NUDCD3: variants seen among roughly 807,000 people sequenced by gnomAD.
NUDCD3 encodes nudC domain-containing protein 3.
Under a neutral mutation model 39.7 loss-of-function variants are expected in NUDCD3, and 13 were observed. The observed-to-expected ratio is 0.33, with a 90% CI of 0.21 to 0.52. NUDCD3 has a LOEUF of 0.52. NUDCD3 is among the 20% of genes least tolerant of loss of function. The probability of loss-of-function intolerance (pLI) is 0.96; values close to 1 mark genes in which losing one functional copy is unlikely to be tolerated. For missense variants in NUDCD3, 453 were observed against 458.1 expected, an observed-to-expected ratio of 0.99 and a Z score of 0.10; for synonymous variants, 175 against 172.4, an observed-to-expected ratio of 1.02 and a Z score of -0.12.
chr7:44,483,972 G>A (rs991299995), intron 2 of NUDCD3, among the ~76,000 whole-genome samples: 1 of 152,140 alleles, frequency 6.6e-6, no homozygotes, highest in Admixed American at 6.6e-5. Context: ...TCACACCACT[G>A]CACTCCAGCC....
intron 2 of NUDCD3, among the ~76,000 whole-genome samples, chr7:44,451,928 A>G (rs1359795677): frequency 1.3e-5 from 2 of 152,240 alleles, no homozygotes; most frequent in Non-Finnish European, 2.9e-5. Flanking sequence ...GAATGATCTC[A>G]TGAATAAAAT....
rs307007 is a variant in NUDCD3, at chr7:44,490,594, T to G, written c.7A>C (p.Thr3Pro). Residue 3 changes from threonine to proline, a missense_variant, in exon 1 of 6, where the codon ACA becomes CCA. Thr to Pro is a conservative substitution (Grantham distance 38). Coordinates refer to ENST00000355451, the MANE Select transcript of NUDCD3 (RefSeq NM_015332.4). METGAAELYDQAL... is the reference protein window; with the variant it reads MEPGAAELYDQAL... ...TGGTCATACAGCTCGGCCGCCCCTG[T>G]CTCCATGTCGCCTCCCGCCCTAGGT... The G allele has an allele frequency of 0.21, 340,848 of 1,605,296 alleles. 38,523 individuals are homozygous for G. Among genetic ancestry groups the G allele is most frequent in the African/African-American group, 0.3 (22,627 of 74,690 alleles).
rs530971187 is a variant in NUDCD3 at position 44,484,678 on chromosome 7, C to A, written c.509+290G>T. The A allele has an allele frequency of 3.1e-5, 10 of 321,040 alleles. No individual in the cohort carries two copies. The South Asian group carries it at 5.7e-4, about 18-fold the overall frequency. 19.9% of individuals were successfully genotyped at this position (321,040 alleles called of 1,614,324 possible). Reference sequence around the variant, plus strand: ...GCTGCTGAGGCTAAGCCTCTAAACACAGATAAAGTTAGGTCTTTGTGAGAG... The same window carrying A: ...GCTGCTGAGGCTAAGCCTCTAAACAAAGATAAAGTTAGGTCTTTGTGAGAG... On this transcript the variant is annotated intron_variant, in intron 2 of 5. Coordinates refer to ENST00000355451, the MANE Select transcript of NUDCD3 (RefSeq NM_015332.4).
At chr7:44,422,696 C>T (rs1174304297) in intron 3 of NUDCD3, among the ~76,000 whole-genome samples, 1 of 152,184 alleles carries the variant, frequency 6.6e-6, no homozygotes, top group Non-Finnish European at 1.5e-5. Context: ...CAGCCGAATT[C>T]TACCAGAGGT....
At chr7:44,465,055 C>G (rs1310145076) in intron 2 of NUDCD3, among the ~76,000 whole-genome samples, 1 of 152,214 alleles carries the variant, frequency 6.6e-6, no homozygotes, top group East Asian at 1.9e-4. Context: ...TCCACCTCAG[C>G]AGCACCAGTT....
At chr7:44,434,608 C>A (rs1013048899) in intron 2 of NUDCD3, among the ~76,000 whole-genome samples, 2 of 152,230 alleles carry the variant, frequency 1.3e-5, no homozygotes, top group Non-Finnish European at 2.9e-5. Flanking sequence ...CCACCTCAGC[C>A]AGACACACAA....
At chr7:44,424,039 G>GTT (rs1799190559) in intron 3 of NUDCD3, among the ~76,000 whole-genome samples, 1 of 152,090 alleles carries the variant, frequency 6.6e-6, no homozygotes, top group Admixed American at 6.6e-5. Flanking sequence ...AACAAGCAAT[G>GTT]GGGAAAGGAC....
At chr7:44,411,017 A>G (rs1798913267) in intron 3 of NUDCD3, among the ~76,000 whole-genome samples, 1 of 152,226 alleles carries the variant, frequency 6.6e-6, no homozygotes, top group South Asian at 2.1e-4. Flanking sequence ...GATTTTAGAC[A>G]AGAGTACCAA....
At chr7:44,400,080 A>G (rs1481102298) in intron 4 of NUDCD3, among the ~76,000 whole-genome samples, 1 of 152,228 alleles carries the variant, frequency 6.6e-6, no homozygotes, top group African/African-American at 2.4e-5. Flanking sequence ...CATGGAGGAC[A>G]GCCTGTCAGC....
chr7:44,422,618 C>A (rs1174448129), intron 3 of NUDCD3, among the ~76,000 whole-genome samples: 1 of 152,198 alleles, frequency 6.6e-6, no homozygotes, highest in Non-Finnish European at 1.5e-5. Context: ...AGACCAATAA[C>A]AAGTTCTGAA....
chr7:44,478,880 A>G (rs973367460), intron 2 of NUDCD3, among the ~76,000 whole-genome samples: 2 of 152,234 alleles, frequency 1.3e-5, no homozygotes, highest in Admixed American at 6.5e-5. Context: ...ATGTCATTGT[A>G]TTAGTCCATT....
At chr7:44,444,433 G>T (rs372258693) in intron 2 of NUDCD3, among the ~76,000 whole-genome samples, 31 of 152,164 alleles carry the variant, frequency 2.0e-4, no homozygotes, top group African/African-American at 7.0e-4. Flanking sequence ...TTTTCTGGCT[G>T]GGAGACAGGG....
intron 3 of NUDCD3, among the ~76,000 whole-genome samples, chr7:44,422,160 G>A (rs1254353181): frequency 6.6e-6 from 1 of 152,204 alleles, no homozygotes; most frequent in Non-Finnish European, 1.5e-5. Flanking sequence ...GAAATTTATA[G>A]CACTAAATGC....
chr7:44,434,114 T>G (rs1435480540), intron 2 of NUDCD3, among the ~76,000 whole-genome samples: 1 of 152,156 alleles, frequency 6.6e-6, no homozygotes, highest in Non-Finnish European at 1.5e-5. Context: ...CTAAAACTCA[T>G]GGTCTGCCAG....
rs116425943 is a variant in NUDCD3 at position 44,383,858 on chromosome 7, C to A, written c.*2153G>T. The A allele has an allele frequency of 6.6e-6, 1 of 152,228 alleles. No homozygotes were observed. The highest frequency in any genetic ancestry group is 1.5e-5 in the Non-Finnish European group (1 of 68,086). 9.4% of individuals were successfully genotyped at this position (152,228 alleles called of 1,614,324 possible). A position where few individuals can be genotyped will look rare whatever the true frequency, so the allele number is the denominator to read the frequency against. Reference sequence around the variant, plus strand: ...TCACCCACCAGACAGCGTGGCTCAACGGGAGCAAGGCGCGCAGGGACAGGC... The same window carrying A: ...TCACCCACCAGACAGCGTGGCTCAAAGGGAGCAAGGCGCGCAGGGACAGGC... On this transcript the variant is annotated 3_prime_UTR_variant, in exon 6 of 6. Coordinates refer to ENST00000355451, the MANE Select transcript of NUDCD3 (RefSeq NM_015332.4).
At position 44,381,538 on chromosome 7, in the gene NUDCD3, T is replaced by C. The variant is rs1389150676; in HGVS notation, c.*4473A>G. 3 of 152,184 alleles carry C rather than the reference T, an allele frequency of 2.0e-5. No homozygotes were observed. The highest frequency in any genetic ancestry group is 4.8e-5 in the African/African-American group (2 of 41,414). 9.4% of individuals were successfully genotyped at this position (152,184 alleles called of 1,614,324 possible). ...GGAGTGTTACTTACTCCTGTGATTG[T>C]AGCACAATGAGGGGTTAGACTACAA... On this transcript the variant is annotated 3_prime_UTR_variant, in exon 6 of 6. Coordinates refer to ENST00000355451, the MANE Select transcript of NUDCD3 (RefSeq NM_015332.4).
rs17172872 is a variant in NUDCD3 at position 44,384,612 on chromosome 7, T to C, written c.*1399A>G. 33,872 of 152,102 alleles carry C rather than the reference T, an allele frequency of 0.22. 4,201 individuals carry two copies. Among genetic ancestry groups the C allele is most frequent in the African/African-American group, 0.3 (12,340 of 41,472 alleles). 9.4% of individuals were successfully genotyped at this position (152,102 alleles called of 1,614,324 possible). On this transcript the variant is annotated 3_prime_UTR_variant, in exon 6 of 6. Coordinates refer to ENST00000355451, the MANE Select transcript of NUDCD3 (RefSeq NM_015332.4). ...AGAGCCCCCACAACCCAAGTATCCA[T>C]AGAGAGTGTGCAGGAGCGGGGACCT...
chr7:44,407,579 A>AC (rs1798852350), intron 3 of NUDCD3, among the ~76,000 whole-genome samples: 1 of 151,552 alleles, frequency 6.6e-6, no homozygotes, highest in African/African-American at 2.4e-5. Context: ...AAAAAAAAAA[A>AC]AAAAAAACTA....
At chr7:44,429,751 G>A (rs1348726847) in intron 2 of NUDCD3, among the ~76,000 whole-genome samples, 5 of 152,154 alleles carry the variant, frequency 3.3e-5, no homozygotes, top group South Asian at 2.1e-4. Flanking sequence ...CTGTGGGACA[G>A]AGAGATGACA....
Sources: gnomAD v4.1 joint callset for allele counts (sites outside exome capture counted in the v4.1 genomes callset) on GRCh38, gnomAD v4.1.1 for gene constraint, MANE v1.5 for transcripts, NCBI Gene and HGNC (gene_info 2026-07-23, HGNC 2026-07-21) for gene names.